Variants in CNTLN observed in about 807,000 individuals in gnomAD.
CNTLN encodes the protein centlein.
In CNTLN, 212 loss-of-function variants were observed where a neutral mutation model predicts 180.0. The observed-to-expected ratio is 1.18, with a 90% confidence interval of 1.05 to 1.32. The LOEUF is 1.32. CNTLN is among the 40% of genes most tolerant of loss of function. The pLI is 0.00. For synonymous variants in CNTLN, 722 were observed against 563.1 expected, an observed-to-expected ratio of 1.28 and a Z score of -3.99; for missense variants, 2,095 against 1,610.9, an observed-to-expected ratio of 1.30 and a Z score of -5.14.
At chr9:17,443,872 G>A (rs1465070302) in intron 18 of CNTLN, among the ~76,000 whole-genome samples, 1 of 152,028 alleles carries the variant, frequency 6.6e-6, no homozygotes, top group Non-Finnish European at 1.5e-5. Flanking sequence ...CAGAGAATGT[G>A]GAGGAAAAAT....
chr9:17,356,063 CA>C (rs71492915), intron 12 of CNTLN, among the ~76,000 whole-genome samples: 5 of 19,596 alleles, frequency 2.6e-4, no homozygotes, highest in Admixed American at 1.4e-3. Flanking sequence ...GACTCCATCT[CA>C]AAAAAAAAAA....
chr9:17,243,766 A>C (rs1825633358), intron 5 of CNTLN, among the ~76,000 whole-genome samples: 1 of 152,206 alleles, frequency 6.6e-6, no homozygotes, highest in Non-Finnish European at 1.5e-5. Context: ...ATGCTGAGGA[A>C]AGGAATGTGT....
At chr9:17,452,438 A>G (rs1026032768) in intron 18 of CNTLN, among the ~76,000 whole-genome samples, 6 of 152,316 alleles carry the variant, frequency 3.9e-5, no homozygotes, top group Middle Eastern at 6.8e-3. Flanking sequence ...TCTAGATCAC[A>G]TTTTACAGAA....
intron 7 of CNTLN, among the ~76,000 whole-genome samples, chr9:17,307,333 A>G (rs555543607): frequency 1.0e-3 from 154 of 152,206 alleles, no homozygotes; most frequent in Admixed American, 4.3e-3. Flanking sequence ...CAGTGGCACA[A>G]TCTCGGCTCA....
At position 17,236,488 on chromosome 9, in the gene CNTLN, T is replaced by A; in HGVS notation, c.749T>A (p.Leu250Ter). 6.2e-7 allele frequency: 1 copy of A among 1,613,554 alleles called. No individual in the cohort carries two copies. Among genetic ancestry groups the A allele is most frequent in the East Asian group, 2.2e-5 (1 of 44,834 alleles). The change falls in exon 5 of 26, where the codon TTA becomes TAA. Residue 250 changes from leucine (L) to a stop codon, truncating the protein, a stop_gained. Coordinates refer to ENST00000380647, the MANE Select transcript of CNTLN (RefSeq NM_017738.4). LOFTEE classifies it high-confidence loss of function. ...AATCTGGAGGAGGAAAACAAGAAATTAAGTACCCGCTGCACTGACCTGCTA... is the reference window on the plus strand; with the variant it reads ...AATCTGGAGGAGGAAAACAAGAAATAAAGTACCCGCTGCACTGACCTGCTA... ...IKNLEEENKK[L>*]STRCTDLLND... is the part of the protein sequence containing the mutation.
intron 5 of CNTLN, among the ~76,000 whole-genome samples, chr9:17,261,122 C>T (rs1428938233): frequency 1.3e-5 from 2 of 151,312 alleles, no homozygotes; most frequent in Non-Finnish European, 2.9e-5. Context: ...ATGCATCTGG[C>T]TTTGTTCATT....
intron 5 of CNTLN, among the ~76,000 whole-genome samples, chr9:17,241,079 C>T (rs948177908): frequency 6.6e-6 from 1 of 152,072 alleles, no homozygotes; most frequent in Non-Finnish European, 1.5e-5. Flanking sequence ...AGGATGGTCT[C>T]GATCTCCTGA....
At position 17,273,769 on chromosome 9, in the gene CNTLN, G is replaced by A. The variant is rs371678003; in HGVS notation, c.886G>A (p.Val296Ile). ...CAATTTAATTGAAGCAAGGAAAGAA[G>A]TTGAAGTATCACAGAGTAAATACAA... is the stretch of plus-strand genomic sequence containing the variant. ...EDNLIEARKE[V>I]EVSQSKYNAL... is the part of the protein sequence containing the mutation. Residue 296 changes from valine to isoleucine, a missense_variant, in exon 6 of 26, where the codon GTT (valine) becomes ATT (isoleucine). By Grantham distance (29) the Val-to-Ile change is conservative. Transcript: ENST00000380647. 94 of 1,549,998 alleles carry A rather than the reference G, an allele frequency of 6.1e-5. No individual in the cohort carries two copies. In the African/African-American group the frequency reaches 8.0e-4, roughly 13 times the overall value.
chr9:17,408,070 T>A (rs1259415522), intron 15 of CNTLN, among the ~76,000 whole-genome samples: 5 of 130,536 alleles, frequency 3.8e-5, no homozygotes, highest in Non-Finnish European at 7.7e-5. Context: ...GAGGTTGCAG[T>A]GAGCCGAGAT....
the CNTLN span, among the ~76,000 whole-genome samples, chr9:17,523,909 G>A: frequency 3.9e-5 from 6 of 152,188 alleles, no homozygotes; most frequent in East Asian, 1.2e-3. Flanking sequence ...GACCCCTGTG[G>A]ATCTGTAGAA....
intron 5 of CNTLN, among the ~76,000 whole-genome samples, chr9:17,251,784 G>A (rs531525376): frequency 5.9e-4 from 90 of 151,756 alleles, no homozygotes; most frequent in African/African-American, 1.9e-3. Context: ...TACATGTGAC[G>A]TTGTTCCCAA....
intron 20 of CNTLN, among the ~76,000 whole-genome samples, 172 bp downstream of exon 20, chr9:17,463,185 A>G (rs1357970277): frequency 6.6e-6 from 1 of 151,632 alleles, no homozygotes; most frequent in Non-Finnish European, 1.5e-5. Flanking sequence ...ATTAATGGCA[A>G]GCTATTTACT....
At chr9:17,160,561 GT>G in intron 2 of CNTLN, among the ~76,000 whole-genome samples, 1 of 152,034 alleles carries the variant, frequency 6.6e-6, no homozygotes, top group South Asian at 2.1e-4. Flanking sequence ...TAATTCCTCT[GT>G]GTCCTTAACT....
At chr9:17,510,880 G>C in the CNTLN span, among the ~76,000 whole-genome samples, 2 of 152,288 alleles carry the variant, frequency 1.3e-5, no homozygotes, top group Non-Finnish European at 2.9e-5. Flanking sequence ...CACTTCTCTA[G>C]AGGAATTACC....
At chr9:17,180,752 C>T (rs1398105483) in intron 2 of CNTLN, among the ~76,000 whole-genome samples, 1 of 151,992 alleles carries the variant, frequency 6.6e-6, no homozygotes, top group African/African-American at 2.4e-5. Context: ...TAGATTTCCC[C>T]CCTCCTATTT....
intron 13 of CNTLN, among the ~76,000 whole-genome samples, chr9:17,375,311 C>T (rs1474774429): frequency 2.6e-5 from 4 of 151,622 alleles, no homozygotes; most frequent in Non-Finnish European, 4.4e-5. Flanking sequence ...TAATGGATTA[C>T]AAAAAAAATA....
chr9:17,484,291 A>G lies in CNTLN; in HGVS notation c.3856-4A>G, dbSNP rs980808215. ...AAGCTCAATTTCTTTCCAATATGTT[A>G]CAGGCTTTGGCCAAAGAGTTGCAAA... On this transcript the variant is annotated splice_region_variant and splice_polypyrimidine_tract_variant and intron_variant, in intron 23 of 25. Transcript: ENST00000380647. 2 of 1,586,354 alleles carry G rather than the reference A, an allele frequency of 1.3e-6. No individual in the cohort carries two copies. Among genetic ancestry groups the G allele is most frequent in the East Asian group, 2.2e-5 (1 of 44,724 alleles).
Position 17,340,865 on chromosome 9 carries a change from A to C in CNTLN, c.1683A>C (p.Lys561Asn), listed in dbSNP as rs1031774269. ...ATGAGCTAAGAGATGCCCATGAAAA[A>C]CGCAAGGAACGGCTACAGATGTTAC... The part of the protein sequence containing the change: ...ENDELRDAHE[K>N]RKERLQMLQT... The change falls in exon 11 of 26, where the codon AAA becomes AAC. Residue 561 changes from lysine to asparagine, a missense_variant. By Grantham distance (94) the Lys-to-Asn change is moderately conservative. Transcript: ENST00000380647. 6.2e-7 allele frequency: 1 copy of C among 1,612,162 alleles called. No homozygotes were observed. The highest frequency in any genetic ancestry group is 1.7e-5 in the Admixed American group (1 of 59,850).
At chr9:17,259,574 G>C (rs1430827402) in intron 5 of CNTLN, among the ~76,000 whole-genome samples, 1 of 150,466 alleles carries the variant, frequency 6.6e-6, no homozygotes, top group Non-Finnish European at 1.5e-5. Context: ...TTGTACCTCT[G>C]GTAGAATTCG....
Sources: allele counts gnomAD v4.1 joint callset (sites outside exome capture counted in the v4.1 genomes callset), GRCh38; gene constraint gnomAD v4.1.1; transcripts MANE v1.5; gene names NCBI Gene and HGNC (gene_info 2026-07-23, HGNC 2026-07-21).